CCNF: variants seen among roughly 807,000 people sequenced by gnomAD.
CCNF encodes cyclin F.
CCNF carries 30 observed loss-of-function variants against 85.4 expected under a neutral mutation model. The observed-to-expected ratio is 0.35, with a 90% CI of 0.26 to 0.48. The LOEUF (loss-of-function observed/expected upper bound fraction) is 0.48. Ranked by LOEUF, CCNF falls within the 20% of genes least tolerant of loss-of-function variation. The pLI, the probability that CCNF is intolerant of heterozygous loss-of-function variation, is 0.99. For synonymous variants in CCNF, 439 were observed against 425.1 expected (o/e 1.03, Z -0.40); for missense variants, 919 against 1,010.4 (o/e 0.91, Z 1.23).
chr16:2,437,697 T>G (rs2065298858), intron 5 of CCNF: 1 of 319,874 alleles, frequency 3.1e-6, no homozygotes, highest in Admixed American at 4.5e-5. Flanking sequence ...GAGACCAGTC[T>G]GGGCAACATG....
At chr16:2,443,077 A>G (rs1263750139) in intron 8 of CCNF, among the ~76,000 whole-genome samples, 1 of 47,250 alleles carries the variant, frequency 2.1e-5, no homozygotes, top group Non-Finnish European at 3.1e-5. Flanking sequence ...TATATTATAG[A>G]TATATTATAT....
intron 10 of CCNF, 104 bp downstream of exon 10, chr16:2,445,726 GTTGT>G (rs748692628): frequency 1.4e-5 from 12 of 834,980 alleles, no homozygotes; most frequent in East Asian, 3.1e-5. Context: ...TTTGTTTTGT[GTTGT>G]TTTTTTTTTT....
In CCNF at chr16:2,433,000, AGT is replaced by A. The variant is rs1276673587; in HGVS notation, c.217_218del (p.Trp73GlyfsTer19). On this transcript the variant is annotated frameshift_variant, in exon 3 of 17. Transcript: ENST00000397066. LOFTEE classifies it high-confidence loss of function. ...GAAGGACCTGGTGGACAACCACGCC[AGT>A]GTGTGGGCATGTGCCAGCTTCCAGG... ...QLKDLVDNHA[S>X]VWACASFQEL... The A allele has an allele frequency of 6.2e-7, 1 of 1,610,888 alleles. No individual in the cohort carries two copies. The highest frequency in any genetic ancestry group is 8.5e-7 in the Non-Finnish European group (1 of 1,177,450).
In CCNF at chr16:2,451,381, T is replaced by C. The variant is rs1419012185; in HGVS notation, c.1487+1466T>C. ...TGAGTGGAGTCATGGCAGTGAGGGG[T>C]GAGGGGGACAAGCACGGGGCTGAAT... On this transcript the variant is annotated intron_variant, in intron 13 of 16. Transcript: ENST00000397066. The surrounding 1 kb of genome is among the most constrained non-coding windows in gnomAD (Gnocchi z 4.3). Among the ~76,000 whole-genome samples, 1 of 151,370 alleles carries C rather than the reference T, an allele frequency of 6.6e-6. No homozygotes were observed. Among genetic ancestry groups the C allele is most frequent in the Non-Finnish European group, 1.5e-5 (1 of 67,852 alleles).
chr16:2,455,972 G>A (rs144568021), intron 16 of CCNF, among the ~76,000 whole-genome samples: 1 of 152,328 alleles, frequency 6.6e-6, no homozygotes, highest in East Asian at 1.9e-4. Context: ...AGAAGTTCAA[G>A]ACCAGCCTGG....
chr16:2,441,989 GT>G lies in CCNF; in HGVS notation c.778-1655del, dbSNP rs1264874675. 3.3e-3 allele frequency among the ~76,000 whole-genome samples: 294 copies of G among 88,968 alleles called. 1 individual carries two copies. The highest frequency in any genetic ancestry group is 7.4e-3 in the African/African-American group (166 of 22,408). The allele number at this position is 88,968 out of a possible 152,430, so 58.4% of individuals were successfully genotyped here. A position where few individuals can be genotyped will look rare whatever the true frequency, so the allele number is the denominator to read the frequency against. On this transcript the variant is annotated intron_variant, in intron 8 of 16. Transcript: ENST00000397066. The stretch of plus-strand genomic sequence containing the variant: ...TATATATATATATATATATGTTTTT[GT>G]TTTTGTTTTGTTTTGTTTTGTTTTG...
rs769872165 is a variant in CCNF at position 2,452,377 on chromosome 16, G to A, written c.1488-833G>A. On this transcript the variant is annotated intron_variant, in intron 13 of 16. Transcript: ENST00000397066. This position sits in a 1 kb window ranked among gnomAD's most constrained non-coding sequence, Gnocchi z 4.1. ...AGTGCCCGGACCCTGTGCCTTCTGG[G>A]CAAGGAACGAGGCTGACAGTAGAAG... is the stretch of plus-strand genomic sequence containing the variant. Among the ~76,000 whole-genome samples the A allele has an allele frequency of 1.2e-4, 18 of 152,162 alleles. No homozygotes were observed. The highest frequency in any genetic ancestry group is 2.4e-4 in the Non-Finnish European group (16 of 68,032).
rs568902785 is a variant in CCNF, at chr16:2,453,830, C to T, written c.1715+293C>T. On this transcript the variant is annotated intron_variant, in intron 15 of 16. Transcript: ENST00000397066. This position sits in a 1 kb window ranked among gnomAD's most constrained non-coding sequence, Gnocchi z 5.6. ...GCGGGAGCCTAGCCTGGCTCTAGCC[C>T]TGCCCGTGCCTGTCATGCGCGTCCT... Among the ~76,000 whole-genome samples, 8 of 152,322 alleles carry T rather than the reference C, an allele frequency of 5.3e-5. No individual in the cohort carries two copies. The East Asian group carries it at 1.5e-3, about 29-fold the overall frequency.
chr16:2,443,184 TAA>T (rs1491454456), intron 8 of CCNF, among the ~76,000 whole-genome samples: 1 of 74,682 alleles, frequency 1.3e-5, no homozygotes, highest in Non-Finnish European at 2.6e-5. Flanking sequence ...ATATAATATA[TAA>T]TATATATATA....
Position 2,453,631 on chromosome 16 carries a change from A to C in CCNF, c.1715+94A>C. 1 of 1,512,098 alleles carries C rather than the reference A, an allele frequency of 6.6e-7. No homozygotes were observed. Among genetic ancestry groups the C allele is most frequent in the Non-Finnish European group, 9.1e-7 (1 of 1,104,936 alleles). 93.7% of individuals were successfully genotyped at this position (1,512,098 alleles called of 1,614,324 possible). On this transcript the variant is annotated intron_variant, in intron 15 of 16. Transcript: ENST00000397066. The surrounding 1 kb of genome is among the most constrained non-coding windows in gnomAD (Gnocchi z 5.6). ...CGCTTCCTCACACAGAGAGGCCCCC[A>C]AGGCTTGTCAGGGGAGCAGCAGATC...
intron 8 of CCNF, among the ~76,000 whole-genome samples, chr16:2,440,794 A>G (rs938100205): frequency 2.6e-5 from 4 of 152,146 alleles, no homozygotes; most frequent in African/African-American, 9.7e-5. Flanking sequence ...GCCAGTCTAC[A>G]GATTTACAAG....
In CCNF at chr16:2,458,253, C is replaced by CTTTTTTT. The variant is rs562145171; in HGVS notation, c.*1245_*1251dup. On this transcript the variant is annotated 3_prime_UTR_variant, in exon 17 of 17. Coordinates refer to ENST00000397066, the MANE Select transcript of CCNF (RefSeq NM_001761.3). ...CTTGGCCAGAAGTGTCCCCCAGATG[C>CTTTTTTT]TTTTTTTTTTTTTTTTTTGGAGACA... 9 of 130,362 alleles carry CTTTTTTT rather than the reference C, an allele frequency of 6.9e-5. No homozygotes were observed. Among genetic ancestry groups the CTTTTTTT allele is most frequent in the African/African-American group, 2.6e-4 (9 of 35,178 alleles). The allele number at this position is 130,362 out of a possible 1,614,324, so 8.1% of individuals were successfully genotyped here. A position where few individuals can be genotyped will look rare whatever the true frequency, so the allele number is the denominator to read the frequency against.
At chr16:2,443,367 A>G (rs1390378838) in intron 8 of CCNF, among the ~76,000 whole-genome samples, 1 of 151,680 alleles carries the variant, frequency 6.6e-6, no homozygotes, top group Non-Finnish European at 1.5e-5. Context: ...GACTTAACAC[A>G]GCTTCCCCAG....
chr16:2,451,019 C>T lies in CCNF; in HGVS notation c.1487+1104C>T, dbSNP rs112415601. The stretch of plus-strand genomic sequence containing the variant: ...CCACTGGGCTTCCCTCCACCTGCCC[C>T]GGCCCCTCCGCCCTTCTCTCTGGTG... On this transcript the variant is annotated intron_variant, in intron 13 of 16. Coordinates refer to ENST00000397066, the MANE Select transcript of CCNF (RefSeq NM_001761.3). This position sits in a 1 kb window ranked among gnomAD's most constrained non-coding sequence, Gnocchi z 4.3. 0.039 allele frequency among the ~76,000 whole-genome samples: 5,973 copies of T among 152,322 alleles called. 373 individuals carry two copies. The highest frequency in any genetic ancestry group is 0.13 in the African/African-American group (5,447 of 41,544).
chr16:2,438,141 C>T lies in CCNF; in HGVS notation c.594+18C>T, dbSNP rs767098403. Reference sequence around the variant, plus strand: ...TGTTCGAGGTGAGTCAAGTTGTTCTCTGCACTGGGACTTTGTGTTCGATAC... The same window carrying T: ...TGTTCGAGGTGAGTCAAGTTGTTCTTTGCACTGGGACTTTGTGTTCGATAC... On this transcript the variant is annotated intron_variant, in intron 6 of 16. Transcript: ENST00000397066. 1 of 1,572,168 alleles carries T rather than the reference C, an allele frequency of 6.4e-7. No individual in the cohort carries two copies.
chr16:2,445,742 T>C (rs1235604148), intron 10 of CCNF, 120 bp downstream of exon 10: 2 of 1,008,138 alleles, frequency 2.0e-6, no homozygotes, highest in Non-Finnish European at 1.4e-6. Flanking sequence ...TTTTTTTTTT[T>C]CCCGAGACCA....
intron 8 of CCNF, among the ~76,000 whole-genome samples, chr16:2,441,938 TATATATATA>T (rs1397279507): frequency 1.5e-3 from 4 of 2,654 alleles, no homozygotes; most frequent in African/African-American, 4.8e-3. Context: ...ATTAGCAAAT[TATATATATA>T]TATATATATA....
intron 9 of CCNF, 132 bp downstream of exon 9, chr16:2,443,932 T>TC (rs1186930532): frequency 1.3e-6 from 1 of 764,896 alleles, no homozygotes; most frequent in Non-Finnish European, 2.0e-6. Context: ...CCCTTTTTTT[T>TC]TTTTTGAAGT....
Position 2,451,065 on chromosome 16 carries a change from A to G in CCNF, c.1487+1150A>G, listed in dbSNP as rs2065392638. On this transcript the variant is annotated intron_variant, in intron 13 of 16. Transcript: ENST00000397066. The surrounding 1 kb of genome is among the most constrained non-coding windows in gnomAD (Gnocchi z 4.3). ...TGGTGAGCCTGGCCCGGCCCTCGCC[A>G]CATCTAAGCCCCTTCACTCGCCCTG... Among the ~76,000 whole-genome samples, 1 of 152,050 alleles carries G rather than the reference A, an allele frequency of 6.6e-6. No homozygotes were observed. The highest frequency in any genetic ancestry group is 2.4e-5 in the African/African-American group (1 of 41,384).
Sources: allele counts gnomAD v4.1 joint callset (sites outside exome capture counted in the v4.1 genomes callset), GRCh38; gene constraint gnomAD v4.1.1; non-coding constraint Gnocchi (gnomAD v3.1); transcripts MANE v1.5; gene names NCBI Gene and HGNC (gene_info 2026-07-23, HGNC 2026-07-21).